The following ANK2 variants were observed in gnomAD, a reference collection of about 807,000 sequenced individuals.
ANK2 encodes the protein ankyrin 2.
A neutral mutation model predicts 360.5 loss-of-function variants in ANK2; 83 were observed. That is an observed-to-expected ratio of 0.23 (90% CI 0.19 to 0.28). ANK2 has a LOEUF of 0.28. Ranked by LOEUF, ANK2 falls within the 10% of genes least tolerant of loss-of-function variation. The pLI, the probability that ANK2 is intolerant of heterozygous loss-of-function variation, is 1.00. For synonymous variants in ANK2, 1,740 were observed against 1,759.5 expected, an observed-to-expected ratio of 0.99 and a Z score of 0.28; for missense variants, 4,201 against 4,795.7, an observed-to-expected ratio of 0.88 and a Z score of 3.66.
intron 4 of ANK2, among the ~76,000 whole-genome samples, chr4:113,203,848 C>A (rs2153425190): frequency 6.6e-6 from 1 of 152,266 alleles, no homozygotes; most frequent in South Asian, 2.1e-4. Context: ...TCTCTACAGA[C>A]CTCAAAGAAT....
chr4:112,954,973 A>T (rs555755969), intron 2 of ANK2, among the ~76,000 whole-genome samples: 1 of 152,312 alleles, frequency 6.6e-6, no homozygotes, highest in South Asian at 2.1e-4. Context: ...TATGTTTGTT[A>T]TTGTAAAATA....
Position 113,354,881 on chromosome 4 carries a change from T to A in ANK2, c.6263T>A (p.Leu2088His). 1.2e-6 allele frequency: 2 copies of A among 1,614,070 alleles called. No individual in the cohort carries two copies. Among genetic ancestry groups the A allele is most frequent in the Non-Finnish European group, 1.7e-6 (2 of 1,180,002 alleles). ...EDAAGGKEKV[L>H]SHKIPEPVQS... is the part of the protein sequence containing the mutation. ...GCAGCTGGAGGAAAGGAGAAAGTTC[T>A]CAGCCACAAAATACCTGAACCTGTT... is the stretch of plus-strand genomic sequence containing the variant. Residue 2088 changes from leucine to histidine, a missense_variant, in exon 38 of 46, where the codon CTC becomes CAC. Around this residue, in one of 4 missense-constraint regions of ANK2, gnomAD observed 2,642 missense variants for 2,714.5 expected, o/e 0.97. Transcript: ENST00000357077.
intron 1 of ANK2, among the ~76,000 whole-genome samples, chr4:112,875,721 G>A (rs935842100): frequency 2.0e-5 from 3 of 151,350 alleles, no homozygotes; most frequent in Admixed American, 6.6e-5. Context: ...CTGGATATTT[G>A]TGTGTGTGTG....
intron 2 of ANK2, among the ~76,000 whole-genome samples, chr4:112,994,460 T>G (rs1212659261): frequency 6.6e-6 from 1 of 152,196 alleles, no homozygotes; most frequent in Non-Finnish European, 1.5e-5. Flanking sequence ...GGTCAACAAT[T>G]CATAGGAGAA....
intron 2 of ANK2, among the ~76,000 whole-genome samples, chr4:113,177,575 A>G (rs1360948152): frequency 1.3e-5 from 2 of 152,248 alleles, no homozygotes; most frequent in Non-Finnish European, 2.9e-5. Context: ...ACACTGAAGT[A>G]TAACAAATAC....
intron 1 of ANK2, among the ~76,000 whole-genome samples, chr4:112,845,711 C>A (rs543137880): frequency 6.6e-6 from 1 of 152,274 alleles, no homozygotes; most frequent in Admixed American, 6.5e-5. Context: ...ATATTGCCAT[C>A]ATGTAATAGA....
intron 14 of ANK2, 37 bp downstream of exon 14, chr4:113,265,032 G>A (rs1392202551): frequency 6.5e-7 from 1 of 1,536,510 alleles, no homozygotes; most frequent in African/African-American, 1.4e-5. Flanking sequence ...TTCTATCGCA[G>A]CGCATGAGTT....
intron 1 of ANK2, among the ~76,000 whole-genome samples, chr4:112,898,473 G>A (rs949821689): frequency 6.6e-6 from 1 of 152,132 alleles, no homozygotes; most frequent in Non-Finnish European, 1.5e-5. Flanking sequence ...TGGATTACAT[G>A]TTTTGATCAC....
upstream of ANK2, among the ~76,000 whole-genome samples, chr4:112,813,271 C>A: frequency 6.7e-6 from 1 of 149,524 alleles, no homozygotes. Context: ...AAAATCTGGT[C>A]ATTATGGAAA....
chr4:112,903,700 C>T (rs150568832), intron 1 of ANK2, among the ~76,000 whole-genome samples: 279 of 152,222 alleles, frequency 1.8e-3, no homozygotes, highest in African/African-American at 6.4e-3. Flanking sequence ...AAAACTTGTC[C>T]AATCTCTTGA....
the ANK2 span, among the ~76,000 whole-genome samples, chr4:112,734,135 C>T: frequency 4.6e-5 from 7 of 152,000 alleles, no homozygotes; most frequent in African/African-American, 4.8e-5. Flanking sequence ...TGCATATATA[C>T]ATATATATAT....
chr4:112,890,449 C>G (rs1241129136), intron 1 of ANK2, among the ~76,000 whole-genome samples: 1 of 151,528 alleles, frequency 6.6e-6, no homozygotes, highest in Admixed American at 6.6e-5. Context: ...ATTACATGTC[C>G]TTCAAAGAAT....
At chr4:112,872,707 C>T (rs754504845) in intron 1 of ANK2, among the ~76,000 whole-genome samples, 2 of 152,154 alleles carry the variant, frequency 1.3e-5, no homozygotes, top group Admixed American at 1.3e-4. Context: ...CTTTCAGTAT[C>T]GGTGATACAG....
intron 4 of ANK2, among the ~76,000 whole-genome samples, chr4:113,227,753 T>C (rs2099242885): frequency 6.6e-6 from 1 of 152,210 alleles, no homozygotes; most frequent in African/African-American, 2.4e-5. Flanking sequence ...TTTGGCTTAA[T>C]TACGTAGGTA....
At chr4:113,199,142 C>G (rs371918063) in intron 4 of ANK2, 33 bp downstream of exon 4, 1 of 1,503,370 alleles carries the variant, frequency 6.7e-7, no homozygotes, top group South Asian at 1.1e-5. Context: ...GATGTACATA[C>G]ATTTAAATTA....
intron 1 of ANK2, among the ~76,000 whole-genome samples, chr4:112,881,267 G>A (rs963211876): frequency 3.9e-5 from 6 of 152,072 alleles, no homozygotes; most frequent in East Asian, 1.9e-4. Context: ...GTAAAACCCC[G>A]TCTCTACCAA....
chr4:112,752,109 A>G, the ANK2 span, among the ~76,000 whole-genome samples: 5 of 152,178 alleles, frequency 3.3e-5, no homozygotes, highest in Non-Finnish European at 5.9e-5. Flanking sequence ...GAGGTTTTTT[A>G]TGAGAAATTC....
Position 113,354,483 on chromosome 4 carries a change from G to A in ANK2, c.5865G>A (p.Gly1955=). The part of the protein sequence containing the change: ...TDKHQPVSTA[G]KTEKHLPVSP... ...AGCACCAACCTGTATCAACAGCTGG[G>A]AAAACTGAGAAGCACCTGCCTGTGT... The change falls in exon 38 of 46, where the codon GGG becomes GGA. Residue 1955 remains glycine, a synonymous_variant. Coordinates refer to ENST00000357077, the MANE Select transcript of ANK2 (RefSeq NM_001148.6). 3 of 1,613,976 alleles carry A rather than the reference G, an allele frequency of 1.9e-6. No individual in the cohort carries two copies. Among genetic ancestry groups the A allele is most frequent in the Non-Finnish European group, 2.5e-6 (3 of 1,179,970 alleles).
Position 113,355,149 on chromosome 4 carries a change from A to G in ANK2, c.6531A>G (p.Thr2177=), listed in dbSNP as rs747273242. 1.9e-6 allele frequency: 3 copies of G among 1,614,066 alleles called. No individual in the cohort carries two copies. The highest frequency in any genetic ancestry group is 2.2e-5 in the South Asian group (2 of 91,078). Residue 2177 remains threonine, a synonymous_variant, in exon 38 of 46, where the codon ACA becomes ACG. Transcript: ENST00000357077. ...TACTCACTAGTCCTTTCAACACAAC[A>G]TTTCCACTCGACTACATGAAAGATG... is the stretch of plus-strand genomic sequence containing the variant. ...DQVLTSPFNT[T]FPLDYMKDEF... is the part of the protein sequence containing the mutation.
Sources: allele counts gnomAD v4.1 joint callset (sites outside exome capture counted in the v4.1 genomes callset), GRCh38; gene constraint gnomAD v4.1.1; regional missense constraint gnomAD v4.1.1; transcripts MANE v1.5; gene names NCBI Gene and HGNC (gene_info 2026-07-23, HGNC 2026-07-21).